TOX: variants seen among roughly 807,000 people sequenced by gnomAD.
TOX encodes the protein thymocyte selection associated high mobility group box.
A neutral mutation model predicts 53.7 loss-of-function variants in TOX; 11 were observed. The ratio of observed to expected loss-of-function variants is 0.20; its 90% CI spans 0.13 to 0.34. The LOEUF (loss-of-function observed/expected upper bound fraction) is 0.34, where lower values mean the gene tolerates loss of function less well. Ranked by LOEUF, TOX falls within the 10% of genes least tolerant of loss-of-function variation. The pLI is 1.00. For synonymous variants in TOX, 225 were observed against 245.3 expected (o/e 0.92, Z 0.77); for missense variants, 570 against 664.6 (o/e 0.86, Z 1.56).
At chr8:59,009,757 T>C (rs1181377520) in intron 1 of TOX, among the ~76,000 whole-genome samples, 1 of 152,218 alleles carries the variant, frequency 6.6e-6, no homozygotes, top group Non-Finnish European at 1.5e-5. Flanking sequence ...GTTTCCTTTC[T>C]TTCTACCACA....
intron 3 of TOX, among the ~76,000 whole-genome samples, chr8:58,885,813 T>A (rs553562860): frequency 6.6e-6 from 1 of 152,138 alleles, no homozygotes; most frequent in South Asian, 2.1e-4. Flanking sequence ...TGAAGACTTA[T>A]AATATTGGCT....
At chr8:58,965,365 C>T (rs1266291740) in intron 1 of TOX, among the ~76,000 whole-genome samples, 2 of 152,104 alleles carry the variant, frequency 1.3e-5, no homozygotes, top group Non-Finnish European at 2.9e-5. Flanking sequence ...AGGATATTAA[C>T]CAAACCCATA....
intron 1 of TOX, among the ~76,000 whole-genome samples, chr8:58,998,955 C>G (rs988930665): frequency 3.3e-5 from 5 of 152,134 alleles, no homozygotes; most frequent in Non-Finnish European, 5.9e-5. Context: ...TCAGTTCAAT[C>G]TGTTACTTCC....
chr8:59,101,311 G>A (rs1244062835), intron 1 of TOX, among the ~76,000 whole-genome samples: 1 of 151,928 alleles, frequency 6.6e-6, no homozygotes, highest in Admixed American at 6.6e-5. Context: ...ACAGTTCCTG[G>A]CACAAAATAA....
At chr8:58,829,213 A>G (rs1417702842) in intron 5 of TOX, among the ~76,000 whole-genome samples, 1 of 152,186 alleles carries the variant, frequency 6.6e-6, no homozygotes, top group East Asian at 1.9e-4. Flanking sequence ...AACATCACAC[A>G]AAGTGTTAAC....
chr8:58,954,928 G>A (rs1812685108), intron 2 of TOX, among the ~76,000 whole-genome samples: 1 of 152,178 alleles, frequency 6.6e-6, no homozygotes, highest in Non-Finnish European at 1.5e-5. Context: ...GCAGGTGGGA[G>A]GTGATGAGTT....
chr8:58,912,429 C>T (rs1811924126), intron 3 of TOX, among the ~76,000 whole-genome samples: 1 of 152,152 alleles, frequency 6.6e-6, no homozygotes, highest in South Asian at 2.1e-4. Context: ...ACATTTTTCT[C>T]TTTCTATTTT....
intron 1 of TOX, among the ~76,000 whole-genome samples, chr8:59,018,201 T>A (rs1814051274): frequency 6.6e-6 from 1 of 152,210 alleles, no homozygotes; most frequent in Admixed American, 6.5e-5. Context: ...TCCTATTTTA[T>A]ATTTGTTGTC....
chr8:59,094,202 A>G (rs564776990), intron 1 of TOX, among the ~76,000 whole-genome samples: 2 of 152,304 alleles, frequency 1.3e-5, no homozygotes, highest in East Asian at 1.9e-4. Flanking sequence ...GATACACACT[A>G]AACTATTGGT....
chr8:59,028,280 G>C (rs951345601), intron 1 of TOX, among the ~76,000 whole-genome samples: 3 of 151,670 alleles, frequency 2.0e-5, no homozygotes, highest in African/African-American at 7.3e-5. Context: ...AATATGCTAG[G>C]CACATATTTC....
chr8:58,812,556 G>T (rs1171134721), intron 7 of TOX, among the ~76,000 whole-genome samples: 1 of 152,096 alleles, frequency 6.6e-6, no homozygotes, highest in Non-Finnish European at 1.5e-5. Context: ...CCTTGAGAAG[G>T]GCCTTCCTTG....
intron 1 of TOX, among the ~76,000 whole-genome samples, chr8:59,101,783 A>G (rs768485163): frequency 5.3e-5 from 8 of 152,252 alleles, no homozygotes; most frequent in Non-Finnish European, 8.8e-5. Context: ...GAAAAATCCA[A>G]AAAACAAACA....
intron 1 of TOX, among the ~76,000 whole-genome samples, chr8:59,023,641 A>G (rs1052974021): frequency 2.6e-5 from 4 of 152,164 alleles, no homozygotes; most frequent in Admixed American, 2.6e-4. Flanking sequence ...TGGAATAGAG[A>G]CTATTGCTAA....
chr8:58,844,503 T>C (rs983296718), intron 4 of TOX, among the ~76,000 whole-genome samples: 18 of 152,330 alleles, frequency 1.2e-4, no homozygotes, highest in African/African-American at 3.6e-4. Context: ...GAATTCCTTA[T>C]GATGACAAGC....
At position 58,929,136 on chromosome 8, in the gene TOX, T is replaced by C. The variant is rs73252668; in HGVS notation, c.411+10166A>G. On this transcript the variant is annotated intron_variant, in intron 3 of 8. Coordinates refer to ENST00000361421, the MANE Select transcript of TOX (RefSeq NM_014729.3). The stretch of plus-strand genomic sequence containing the variant: ...GAGTACTTCTATTTCTCTGGGGAAT[T>C]TGTATAGTCCATTAAATTCAGAGGA... Among the ~76,000 whole-genome samples the C allele has an allele frequency of 5.7e-3, 873 of 152,252 alleles. 10 individuals carry two copies. The highest frequency in any genetic ancestry group is 0.02 in the African/African-American group (825 of 41,572).
At chr8:58,857,823 GCATTTGCA>G (rs1023519939) in intron 3 of TOX, among the ~76,000 whole-genome samples, 7 of 151,970 alleles carry the variant, frequency 4.6e-5, no homozygotes, top group African/African-American at 1.2e-4. Flanking sequence ...AGGCTACAGT[GCATTTGCA>G]CGACATTGGC....
intron 1 of TOX, among the ~76,000 whole-genome samples, chr8:58,991,411 A>G (rs1813443959): frequency 6.6e-6 from 1 of 152,228 alleles, no homozygotes; most frequent in African/African-American, 2.4e-5. Flanking sequence ...CAGTGCCTAA[A>G]CAGACCCAAA....
chr8:58,827,327 G>C (rs953546617), intron 5 of TOX, among the ~76,000 whole-genome samples: 1 of 152,088 alleles, frequency 6.6e-6, no homozygotes, highest in African/African-American at 2.4e-5. Context: ...CAAAAACAAA[G>C]ACAGAATTTA....
chr8:59,021,499 T>C (rs190672777), intron 1 of TOX, among the ~76,000 whole-genome samples: 3,020 of 109,570 alleles, frequency 0.028, 207 homozygotes, highest in South Asian at 0.11. Flanking sequence ...TATATATATA[T>C]GCACATATAT....
Sources: allele counts gnomAD v4.1 joint callset (sites outside exome capture counted in the v4.1 genomes callset), GRCh38; gene constraint gnomAD v4.1.1; transcripts MANE v1.5; gene names NCBI Gene and HGNC (gene_info 2026-07-23, HGNC 2026-07-21).